KIF15: variants seen among roughly 807,000 people sequenced by gnomAD.
The protein encoded by KIF15 is kinesin family member 15, also known as kinesin-like protein KIF15.
Under a neutral mutation model 190.6 loss-of-function variants are expected in KIF15, and 140 were observed. The observed-to-expected ratio is 0.73, with a 90% CI of 0.64 to 0.84. The LOEUF (loss-of-function observed/expected upper bound fraction) is 0.84, where lower values mean the gene tolerates loss of function less well. Ranked by LOEUF, KIF15 falls within the 40% of genes least tolerant of loss-of-function variation. The pLI is 0.00. For synonymous variants in KIF15, 528 were observed against 551.3 expected (o/e 0.96, Z 0.59); for missense variants, 1,372 against 1,584.4 (o/e 0.87, Z 2.28).
intron 3 of KIF15, among the ~76,000 whole-genome samples, chr3:44,776,593 A>G (rs539017051): frequency 6.6e-6 from 1 of 152,288 alleles, no homozygotes; most frequent in African/African-American, 2.4e-5. Flanking sequence ...GTGAAGATGC[A>G]CTTTTTGGAG....
At chr3:44,801,247 C>T (rs963421409) in intron 11 of KIF15, among the ~76,000 whole-genome samples, 7 of 150,912 alleles carry the variant, frequency 4.6e-5, no homozygotes, top group East Asian at 2.0e-4. Flanking sequence ...AGGCTGGTCT[C>T]GAACTGCTGA....
intron 30 of KIF15, among the ~76,000 whole-genome samples, chr3:44,844,715 T>C (rs1274493358): frequency 1.3e-5 from 2 of 152,162 alleles, no homozygotes; most frequent in Non-Finnish European, 1.5e-5. Context: ...GATTGAGCTT[T>C]GAAACAACCA....
At chr3:44,834,920 G>A (rs546812292) in intron 26 of KIF15, among the ~76,000 whole-genome samples, 76 of 151,128 alleles carry the variant, frequency 5.0e-4, no homozygotes, top group African/African-American at 1.5e-3. Context: ...GCGACAGAGC[G>A]ATACTCCATC....
intron 6 of KIF15, among the ~76,000 whole-genome samples, chr3:44,861,135 G>A (rs1699238410): frequency 6.6e-6 from 1 of 152,144 alleles, no homozygotes; most frequent in Non-Finnish European, 1.5e-5. Flanking sequence ...GGGATTACAG[G>A]CATGCACCAC....
intron 1 of KIF15, among the ~76,000 whole-genome samples, chr3:44,769,977 G>A (rs1705573217): frequency 6.6e-6 from 1 of 152,178 alleles, no homozygotes; most frequent in Non-Finnish European, 1.5e-5. Flanking sequence ...CACCTAGCAG[G>A]ATTTGCAGGA....
intron 30 of KIF15, among the ~76,000 whole-genome samples, chr3:44,843,594 C>T (rs3804581): frequency 6.6e-6 from 1 of 152,172 alleles, no homozygotes; most frequent in Non-Finnish European, 1.5e-5. Flanking sequence ...GGCTTTGCTT[C>T]GTAACTCATG....
At chr3:44,820,663 G>T (rs1367056720) in intron 20 of KIF15, among the ~76,000 whole-genome samples, 1 of 152,098 alleles carries the variant, frequency 6.6e-6, no homozygotes, top group Non-Finnish European at 1.5e-5. Flanking sequence ...GCACAGGGTT[G>T]GGGGTAAGGT....
chr3:44,765,538 A>G (rs1464957718), intron 1 of KIF15, among the ~76,000 whole-genome samples: 1 of 152,202 alleles, frequency 6.6e-6, no homozygotes, highest in Non-Finnish European at 1.5e-5. Context: ...CTATGACTGC[A>G]CACAGCTGTT....
At chr3:44,786,259 A>T in intron 6 of KIF15, 136 bp from the exon 7 acceptor site, 1 of 563,668 alleles carries the variant, frequency 1.8e-6, no homozygotes, top group Non-Finnish European at 2.9e-6. Context: ...TTTTACTTTT[A>T]GGTATCTTAT....
Position 44,805,837 on chromosome 3 carries a change from T to C in KIF15, c.1830-8T>C. On this transcript the variant is annotated splice_region_variant and splice_polypyrimidine_tract_variant and intron_variant, in intron 15 of 34. Transcript: ENST00000326047. ...ACCTGAAATACTCCGTTTTACAATA[T>C]CTATTAGGAAAAGGCAGCTAGAATT... 1.9e-6 allele frequency: 3 copies of C among 1,609,784 alleles called. No individual in the cohort carries two copies. Among genetic ancestry groups the C allele is most frequent in the Non-Finnish European group, 2.5e-6 (3 of 1,178,646 alleles).
chr3:44,852,988 CT>C lies in KIF15; in HGVS notation c.*256del. On this transcript the variant is annotated 3_prime_UTR_variant, in exon 35 of 35. Transcript: ENST00000326047. ...ATCAACTTAAGGGAAAACCTTTTGT[CT>C]TTGTAAAAATAAAAGCCTGTAGCTA... 1 of 288,632 alleles carries C rather than the reference CT, an allele frequency of 3.5e-6. No homozygotes were observed. Among genetic ancestry groups the C allele is most frequent in the Non-Finnish European group, 6.3e-6 (1 of 158,570 alleles). 17.9% of individuals were successfully genotyped at this position (288,632 alleles called of 1,614,324 possible). A position where few individuals can be genotyped will look rare whatever the true frequency, so the allele number is the denominator to read the frequency against.
chr3:44,814,880 C>T (rs1374678048), intron 19 of KIF15, 31 bp from the exon 20 acceptor site: 2 of 1,541,098 alleles, frequency 1.3e-6, no homozygotes, highest in East Asian at 4.6e-5. Flanking sequence ...TTTAAGAAAC[C>T]TACTGAGGAT....
At chr3:44,853,536 C>T (rs147307200), downstream of KIF15, among the ~76,000 whole-genome samples, 1 of 152,312 alleles carries the variant, frequency 6.6e-6, no homozygotes, top group East Asian at 1.9e-4. Flanking sequence ...ATGGTGTGGA[C>T]ATATATTTCA....
At chr3:44,785,126 T>C (rs1322395978) in intron 6 of KIF15, among the ~76,000 whole-genome samples, 184 bp downstream of exon 6, 1 of 152,230 alleles carries the variant, frequency 6.6e-6, no homozygotes, top group Non-Finnish European at 1.5e-5. Flanking sequence ...AGTTGTTTTA[T>C]CTCAACTGAG....
Position 44,761,804 on chromosome 3 carries a change from G to T in KIF15, c.-62G>T. The T allele has an allele frequency of 6.2e-7, 1 of 1,611,296 alleles. No individual in the cohort carries two copies. ...GAGCGGGCGGAATTCAGTCGCGCGC[G>T]GTGCAGTCGGGAGGTGGAGGCACCG... On this transcript the variant is annotated 5_prime_UTR_variant, in exon 1 of 35. Transcript: ENST00000326047.
Position 44,861,808 on chromosome 3 carries a change from G to A in KIF15, c.*59+9014G>A, listed in dbSNP as rs1023493798. On this transcript the variant is annotated intron_variant and NMD_transcript_variant, in intron 6 of 6. Transcript: ENST00000422209. ...CGAGGCGCCGGAGAGCGATTCCCAA[G>A]GGGCCTGCCGGAGCGTGGCGTCACA... 6 of 1,206,792 alleles carry A rather than the reference G, an allele frequency of 5.0e-6. No individual in the cohort carries two copies. In the East Asian group the frequency reaches 8.9e-5, roughly 18 times the overall value. 74.8% of individuals were successfully genotyped at this position (1,206,792 alleles called of 1,614,324 possible). A position where few individuals can be genotyped will look rare whatever the true frequency, so the allele number is the denominator to read the frequency against.
In KIF15 at chr3:44,802,959, C is replaced by G. The variant is rs752381196; in HGVS notation, c.1655C>G (p.Ser552Cys). The G allele has an allele frequency of 7.5e-6, 12 of 1,601,636 alleles. No individual in the cohort carries two copies. The highest frequency in any genetic ancestry group is 9.3e-6 in the Non-Finnish European group (11 of 1,177,070). Reference protein sequence around the residue: ...QTIAKLEKAFSEISGMEKSDK... With the variant: ...QTIAKLEKAFCEISGMEKSDK... ...ATTGCAAAACTAGAAAAAGCTTTCT[C>G]TGAAATAAGTGGCATGGAGAAAAGT... The change falls in exon 14 of 35, where the codon TCT becomes TGT. Residue 552 changes from serine (S) to cysteine (C), a missense_variant. Ser to Cys is a moderately radical substitution (Grantham distance 112, BLOSUM62 -1). Transcript: ENST00000326047.
intron 7 of KIF15, among the ~76,000 whole-genome samples, chr3:44,789,664 A>ATATG (rs1392714568): frequency 3.7e-5 from 1 of 27,314 alleles, no homozygotes; most frequent in East Asian, 3.1e-3. Context: ...ATATATATAT[A>ATATG]TATATATATA....
chr3:44,788,608 T>G (rs919252669), intron 7 of KIF15, among the ~76,000 whole-genome samples: 1 of 151,944 alleles, frequency 6.6e-6, no homozygotes, highest in South Asian at 2.1e-4. Context: ...GTGCACAGCA[T>G]TATGTCTGGC....
Sources: gnomAD v4.1 joint callset for allele counts (sites outside exome capture counted in the v4.1 genomes callset) on GRCh38, gnomAD v4.1.1 for gene constraint, MANE v1.5 for transcripts, NCBI Gene and HGNC (gene_info 2026-07-23, HGNC 2026-07-21) for gene names.